Variants in TBC1D22A observed in about 807,000 individuals in gnomAD.
TBC1D22A encodes TBC1 domain family member 22A, also known as putative GTPase activator.
In TBC1D22A, 38 loss-of-function variants were observed where a neutral mutation model predicts 60.2. That is an observed-to-expected ratio of 0.63 (90% CI 0.49 to 0.83). The LOEUF is 0.83. Ranked by LOEUF, TBC1D22A falls within the 40% of genes least tolerant of loss-of-function variation. TBC1D22A has a pLI of 0.00. For synonymous variants in TBC1D22A, 302 were observed against 281.7 expected (o/e 1.07, Z -0.72); for missense variants, 628 against 701.0 (o/e 0.90, Z 1.18).
chr22:46,915,265 G>T, intron 8 of TBC1D22A: 1 of 390,586 alleles, frequency 2.6e-6, no homozygotes, highest in Non-Finnish European at 5.1e-6. Context: ...TCCAGCACCG[G>T]CAGAGGCACG....
chr22:47,017,860 CTAT>C (rs1370656573), intron 10 of TBC1D22A, among the ~76,000 whole-genome samples: 2 of 152,178 alleles, frequency 1.3e-5, no homozygotes, highest in Non-Finnish European at 2.9e-5. Context: ...CACCTTCCAT[CTAT>C]TATTTAAAAG....
chr22:46,822,579 C>T (rs2085878543), intron 4 of TBC1D22A, among the ~76,000 whole-genome samples: 2 of 152,152 alleles, frequency 1.3e-5, no homozygotes, highest in Non-Finnish European at 2.9e-5. Context: ...AGAGATGTCA[C>T]TCATGGAGGC....
chr22:47,142,632 C>T (rs2067145926), intron 12 of TBC1D22A, among the ~76,000 whole-genome samples: 1 of 140,068 alleles, frequency 7.1e-6, no homozygotes, highest in South Asian at 2.5e-4. Context: ...CATCCATTCA[C>T]CTGCCCACCA....
chr22:46,786,964 A>G (rs801609), intron 1 of TBC1D22A, among the ~76,000 whole-genome samples: 105,458 of 151,990 alleles, frequency 0.69, 36,629 homozygotes, highest in Middle Eastern at 0.82. Flanking sequence ...TTGATTACAA[A>G]CGTGAGCCAG....
At chr22:46,940,034 G>C (rs886548593) in intron 8 of TBC1D22A, among the ~76,000 whole-genome samples, 6 of 152,182 alleles carry the variant, frequency 3.9e-5, no homozygotes, top group Non-Finnish European at 7.3e-5. Context: ...TGCAAGAAAG[G>C]GAGTACTGCG....
At chr22:46,828,652 T>C (rs1056284441) in intron 4 of TBC1D22A, among the ~76,000 whole-genome samples, 1 of 152,236 alleles carries the variant, frequency 6.6e-6, no homozygotes, top group Admixed American at 6.5e-5. Context: ...GTTAGCCTCC[T>C]GCATGGAGCT....
At chr22:47,016,789 G>A (rs922152659) in intron 10 of TBC1D22A, among the ~76,000 whole-genome samples, 3 of 152,196 alleles carry the variant, frequency 2.0e-5, no homozygotes, top group Admixed American at 6.5e-5. Context: ...GGATGTCATC[G>A]TGTCTCTGCC....
chr22:46,900,692 G>A (rs766651192), intron 7 of TBC1D22A, among the ~76,000 whole-genome samples: 2 of 152,164 alleles, frequency 1.3e-5, no homozygotes, highest in Non-Finnish European at 2.9e-5. Flanking sequence ...GTGGTTTTGA[G>A]GTTTGTGCAT....
At chr22:47,111,328 G>C (rs990458769) in intron 11 of TBC1D22A, among the ~76,000 whole-genome samples, 180 bp from the exon 12 acceptor site, 12 of 152,206 alleles carry the variant, frequency 7.9e-5, no homozygotes, top group Non-Finnish European at 1.5e-4. Flanking sequence ...AGAGAAAATG[G>C]TGTTTGTTTT....
intron 11 of TBC1D22A, among the ~76,000 whole-genome samples, chr22:47,068,217 C>T (rs1227945646): frequency 6.6e-6 from 1 of 152,274 alleles, no homozygotes; most frequent in Non-Finnish European, 1.5e-5. Flanking sequence ...GCCACCCATC[C>T]ATGGCACCAC....
At chr22:46,816,435 C>G (rs2085604194) in intron 4 of TBC1D22A, among the ~76,000 whole-genome samples, 1 of 152,242 alleles carries the variant, frequency 6.6e-6, no homozygotes, top group Non-Finnish European at 1.5e-5. Flanking sequence ...CTGCCTTTCT[C>G]TAAGCACTGA....
intron 12 of TBC1D22A, among the ~76,000 whole-genome samples, chr22:47,165,449 G>A (rs758864897): frequency 6.6e-6 from 1 of 152,080 alleles, no homozygotes; most frequent in Non-Finnish European, 1.5e-5. Context: ...CCTCGCCATC[G>A]CCATCTCATA....
At chr22:46,908,135 C>T (rs1473615149) in intron 7 of TBC1D22A, among the ~76,000 whole-genome samples, 1 of 152,190 alleles carries the variant, frequency 6.6e-6, no homozygotes, top group African/African-American at 2.4e-5. Context: ...ACCTCTGCTG[C>T]TCAGCGGGAT....
intron 1 of TBC1D22A, among the ~76,000 whole-genome samples, chr22:46,788,767 A>G (rs777395859): frequency 6.6e-6 from 1 of 152,156 alleles, no homozygotes; most frequent in Non-Finnish European, 1.5e-5. Flanking sequence ...CTGACTTTAG[A>G]ATTTTCTTCT....
chr22:46,800,317 C>T (rs2084841378), intron 4 of TBC1D22A, among the ~76,000 whole-genome samples: 1 of 152,160 alleles, frequency 6.6e-6, no homozygotes, highest in African/African-American at 2.4e-5. Flanking sequence ...GTGAGTTCGC[C>T]TAGAGCACCA....
intron 11 of TBC1D22A, among the ~76,000 whole-genome samples, chr22:47,066,355 C>T (rs1021091809): frequency 5.4e-5 from 8 of 148,124 alleles, no homozygotes; most frequent in African/African-American, 1.7e-4. Context: ...TGGCGTGTGC[C>T]GGGACGTACG....
intron 10 of TBC1D22A, among the ~76,000 whole-genome samples, chr22:47,014,674 T>G (rs987037207): frequency 6.6e-6 from 1 of 152,216 alleles, no homozygotes; most frequent in Non-Finnish European, 1.5e-5. Flanking sequence ...GAGAGGGGAC[T>G]CTTGTCCGAG....
In TBC1D22A at chr22:46,884,578, G is replaced by A. The variant is rs546624374; in HGVS notation, c.708+5855G>A. The stretch of plus-strand genomic sequence containing the variant: ...AGAGCAGCGGCCAGCGGCTGTCCTC[G>A]AAAGGGCAGCCAGTCAACACCCTGG... On this transcript the variant is annotated intron_variant, in intron 5 of 12. Coordinates refer to ENST00000337137, the MANE Select transcript of TBC1D22A (RefSeq NM_014346.5). Among the ~76,000 whole-genome samples, 471 of 152,330 alleles carry A rather than the reference G, an allele frequency of 3.1e-3. 2 individuals are homozygous for A. The highest frequency in any genetic ancestry group is 0.011 in the African/African-American group (446 of 41,582).
At chr22:47,079,084 CTTTTTTTTTTTT>C (rs35269996) in intron 11 of TBC1D22A, among the ~76,000 whole-genome samples, 2 of 124,962 alleles carry the variant, frequency 1.6e-5, no homozygotes, top group Admixed American at 8.4e-5. Context: ...GTAGAGCAGA[CTTTTTTTTTTTT>C]TTTTTTTTGA....
Sources: gnomAD v4.1 joint callset for allele counts (sites outside exome capture counted in the v4.1 genomes callset) on GRCh38, gnomAD v4.1.1 for gene constraint, MANE v1.5 for transcripts, NCBI Gene and HGNC (gene_info 2026-07-23, HGNC 2026-07-21) for gene names.